The following CES5A variants were observed in gnomAD, a reference collection of about 807,000 sequenced individuals.
CES5A encodes the protein carboxylesterase 5A.
In CES5A, 67 loss-of-function variants were observed where a neutral mutation model predicts 62.9. The ratio of observed to expected loss-of-function variants is 1.07; its 90% CI spans 0.88 to 1.31. The LOEUF (loss-of-function observed/expected upper bound fraction) is 1.31, where lower values mean the gene tolerates loss of function less well. Ranked by LOEUF, CES5A falls within the 50% of genes most tolerant of loss-of-function variation. The probability of loss-of-function intolerance (pLI) is 0.00; values close to 1 mark genes in which losing one functional copy is unlikely to be tolerated. For synonymous variants in CES5A, 296 were observed against 280.8 expected, an observed-to-expected ratio of 1.05 and a Z score of -0.54; for missense variants, 748 against 708.5, an observed-to-expected ratio of 1.06 and a Z score of -0.63.
At chr16:55,873,679 G>A in intron 2 of CES5A, 154 bp downstream of exon 2, 1 of 673,238 alleles carries the variant, frequency 1.5e-6, no homozygotes. Context: ...TTAGGAGTCA[G>A]GGGATTACCA....
chr16:55,904,205 T>C (rs2034017517), intron 1 of CES5A, among the ~76,000 whole-genome samples: 1 of 152,196 alleles, frequency 6.6e-6, no homozygotes, highest in African/African-American at 2.4e-5. Flanking sequence ...AGATGAAGAA[T>C]TGGCATGATC....
chr16:55,875,414 A>C, upstream of CES5A: 1 of 1,331,148 alleles, frequency 7.5e-7, no homozygotes, highest in Non-Finnish European at 9.8e-7. Flanking sequence ...TCCTGTTCTG[A>C]TTTACATAAG....
At chr16:55,861,356 T>C (rs562604884) in intron 7 of CES5A, 56 bp downstream of exon 7, 2 of 908,762 alleles carry the variant, frequency 2.2e-6, no homozygotes, top group East Asian at 2.4e-5. Flanking sequence ...TAGGATTTGT[T>C]CATCTCTCCG....
intron 7 of CES5A, among the ~76,000 whole-genome samples, chr16:55,860,041 C>A (rs2033321369): frequency 6.6e-6 from 1 of 152,156 alleles, no homozygotes; most frequent in African/African-American, 2.4e-5. Context: ...TGGCAGGGAC[C>A]TGGTGAGAGG....
intron 1 of CES5A, among the ~76,000 whole-genome samples, chr16:55,903,339 C>G (rs1187456543): frequency 6.6e-6 from 1 of 152,096 alleles, no homozygotes; most frequent in Non-Finnish European, 1.5e-5. Context: ...GAAAGAGGTT[C>G]AAACAATATT....
At chr16:55,860,103 T>G (rs542006741) in intron 7 of CES5A, among the ~76,000 whole-genome samples, 1 of 152,254 alleles carries the variant, frequency 6.6e-6, no homozygotes, top group South Asian at 2.1e-4. Context: ...TGATAGTGAA[T>G]AAATCTCATG....
intron 10 of CES5A, among the ~76,000 whole-genome samples, chr16:55,852,572 G>A (rs1478159050): frequency 6.6e-6 from 1 of 152,162 alleles, no homozygotes; most frequent in African/African-American, 2.4e-5. Flanking sequence ...CTAAGATGTT[G>A]GGGAAGACAT....
At chr16:55,925,308 G>A (rs1321622429) in intron 1 of CES5A, 2 of 147,560 alleles carry the variant, frequency 1.4e-5, no homozygotes, top group Non-Finnish European at 2.9e-5. Flanking sequence ...AAACAACAAT[G>A]AGATACCATC....
chr16:55,861,569 A>G (rs2033351719), intron 6 of CES5A, 53 bp from the exon 7 acceptor site: 1 of 1,338,348 alleles, frequency 7.5e-7, no homozygotes, highest in South Asian at 1.2e-5. Context: ...GCATCTAGGA[A>G]AATGAAAGCT....
chr16:55,858,384 C>T (rs2033285745), intron 8 of CES5A, among the ~76,000 whole-genome samples: 1 of 152,160 alleles, frequency 6.6e-6, no homozygotes, highest in African/African-American at 2.4e-5. Context: ...CTGTGCTTGG[C>T]ACTGGAAGGC....
At chr16:55,886,701 C>T (rs1314133014) in intron 1 of CES5A, among the ~76,000 whole-genome samples, 2 of 152,152 alleles carry the variant, frequency 1.3e-5, no homozygotes, top group African/African-American at 4.8e-5. Context: ...AGACTCCTAA[C>T]TCTGGGACAT....
At chr16:55,853,167 G>C in intron 9 of CES5A, 139 bp from the exon 10 acceptor site, 1 of 811,906 alleles carries the variant, frequency 1.2e-6, no homozygotes, top group Non-Finnish European at 1.9e-6. Context: ...TATGATGCAA[G>C]TATCAAAACT....
chr16:55,900,492 T>G (rs567193548), intron 1 of CES5A, among the ~76,000 whole-genome samples: 1 of 152,234 alleles, frequency 6.6e-6, no homozygotes, highest in African/African-American at 2.4e-5. Flanking sequence ...TCTAAAAGAA[T>G]GAGCCCAGGG....
rs1438714217 is a variant in CES5A, at chr16:55,846,673, A to G, written c.1506T>C (p.Asn502=). The G allele has an allele frequency of 6.8e-6, 11 of 1,613,780 alleles. No individual in the cohort carries two copies. Among genetic ancestry groups the G allele is most frequent in the Non-Finnish European group, 8.5e-6 (10 of 1,179,886 alleles). The part of the protein sequence containing the change: ...WATFARTGNP[N]GNDLSLWPAY... ...CTGGCCACAGAGACAGGTCGTTCCC[A>G]TTAGGATTCCTAGAAGGGAGAGCAG... Residue 502 remains asparagine (N), a synonymous_variant, in exon 13 of 13, where the codon AAT becomes AAC. Transcript: ENST00000290567.
chr16:55,847,093 G>A lies in CES5A; in HGVS notation c.1424-253C>T, dbSNP rs151256917. ...TGTCCACCCCGTGTTCCTGCAGCCA[G>A]TCCCATGAGGCTGCAGGTTCCCTGG... On this transcript the variant is annotated intron_variant, in intron 11 of 12. Coordinates refer to ENST00000290567, the MANE Select transcript of CES5A (RefSeq NM_001143685.2). Among the ~76,000 whole-genome samples, 1,086 of 152,254 alleles carry A rather than the reference G, an allele frequency of 7.1e-3. 12 individuals are homozygous for A. Among genetic ancestry groups the A allele is most frequent in the Non-Finnish European group, 0.012 (813 of 68,006 alleles).
intron 9 of CES5A, among the ~76,000 whole-genome samples, chr16:55,854,897 G>A (rs2033209209): frequency 6.6e-6 from 1 of 152,100 alleles, no homozygotes; most frequent in African/African-American, 2.4e-5. Flanking sequence ...TCTTTAGGAT[G>A]AAGTCTATGT....
intron 2 of CES5A, among the ~76,000 whole-genome samples, chr16:55,943,271 C>T (rs549009670): frequency 6.6e-6 from 1 of 152,312 alleles, no homozygotes; most frequent in East Asian, 1.9e-4. Flanking sequence ...TTCTCATCAA[C>T]CCCAGGCAGT....
At chr16:55,895,616 G>C (rs934503153) in intron 1 of CES5A, among the ~76,000 whole-genome samples, 3 of 152,012 alleles carry the variant, frequency 2.0e-5, no homozygotes, top group Non-Finnish European at 4.4e-5. Context: ...ATAACCTGTT[G>C]CTTTTTTTGT....
At chr16:55,898,808 C>T (rs2033960807) in intron 1 of CES5A, among the ~76,000 whole-genome samples, 1 of 152,076 alleles carries the variant, frequency 6.6e-6, no homozygotes, top group Non-Finnish European at 1.5e-5. Flanking sequence ...GCATGGTGGT[C>T]CCAACCCTGA....
Sources: gnomAD v4.1 joint callset for allele counts (sites outside exome capture counted in the v4.1 genomes callset) on GRCh38, gnomAD v4.1.1 for gene constraint, MANE v1.5 for transcripts, NCBI Gene and HGNC (gene_info 2026-07-23, HGNC 2026-07-21) for gene names.